FCHO2: variants seen among roughly 807,000 people sequenced by gnomAD.
FCHO2 encodes the protein FCH and mu domain containing endocytic adaptor 2.
FCHO2 carries 43 observed loss-of-function variants against 114.1 expected under a neutral mutation model. That is an observed-to-expected ratio of 0.38 (90% confidence interval 0.30 to 0.49). The LOEUF (loss-of-function observed/expected upper bound fraction) is 0.49. Ranked by LOEUF, FCHO2 falls within the 20% of genes least tolerant of loss-of-function variation. The pLI, the probability that FCHO2 is intolerant of heterozygous loss-of-function variation, is 0.97. For missense variants in FCHO2, 807 were observed against 950.4 expected (o/e 0.85, Z 1.98); for synonymous variants, 293 against 315.2 (o/e 0.93, Z 0.75).
At chr5:73,039,576 C>G (rs1416565419) in intron 10 of FCHO2, among the ~76,000 whole-genome samples, 1 of 152,052 alleles carries the variant, frequency 6.6e-6, no homozygotes, top group Non-Finnish European at 1.5e-5. Flanking sequence ...TCTCATCTAC[C>G]AGTAAGGAAG....
intron 6 of FCHO2, among the ~76,000 whole-genome samples, chr5:73,008,034 T>G (rs1754812071): frequency 6.6e-6 from 1 of 152,164 alleles, no homozygotes; most frequent in African/African-American, 2.4e-5. Flanking sequence ...AAAAAATGCT[T>G]ACTAAACCTG....
chr5:73,053,932 G>A (rs1158579953), intron 13 of FCHO2, among the ~76,000 whole-genome samples: 8 of 152,004 alleles, frequency 5.3e-5, no homozygotes, highest in Non-Finnish European at 1.2e-4. Context: ...TTCATACTAT[G>A]AAAATAATAA....
At chr5:72,980,979 T>G (rs1753175629) in intron 2 of FCHO2, among the ~76,000 whole-genome samples, 2 of 152,216 alleles carry the variant, frequency 1.3e-5, no homozygotes, top group Admixed American at 1.3e-4. Context: ...AATTTGCTCC[T>G]GTCATTATGA....
chr5:72,969,953 A>G (rs1164265602), intron 2 of FCHO2, among the ~76,000 whole-genome samples: 3 of 152,110 alleles, frequency 2.0e-5, no homozygotes, highest in African/African-American at 7.2e-5. Context: ...GCCCTCAGTA[A>G]AGGTTTTTCC....
At chr5:73,046,121 G>A (rs1183514499) in intron 11 of FCHO2, among the ~76,000 whole-genome samples, 2 of 152,160 alleles carry the variant, frequency 1.3e-5, no homozygotes, top group Non-Finnish European at 2.9e-5. Flanking sequence ...CTGGAGTGCG[G>A]TAGCACAATC....
intron 8 of FCHO2, among the ~76,000 whole-genome samples, chr5:73,020,002 C>T (rs1460974842): frequency 6.6e-6 from 1 of 152,154 alleles, no homozygotes; most frequent in Non-Finnish European, 1.5e-5. Context: ...CCCAGCAGCC[C>T]TTTGATGACA....
At chr5:73,058,926 T>C (rs1282143259) in intron 17 of FCHO2, among the ~76,000 whole-genome samples, 3 of 152,196 alleles carry the variant, frequency 2.0e-5, no homozygotes, top group African/African-American at 4.8e-5. Flanking sequence ...ATATGTCTCA[T>C]AATATGCTTG....
intron 6 of FCHO2, among the ~76,000 whole-genome samples, chr5:73,010,714 T>C (rs1249117040): frequency 1.3e-5 from 2 of 151,702 alleles, no homozygotes; most frequent in Non-Finnish European, 2.9e-5. Context: ...CTGTCTCTAC[T>C]AAAAATACAA....
chr5:73,061,251 CTGACTT>C (rs1757840588), intron 17 of FCHO2, among the ~76,000 whole-genome samples: 1 of 151,976 alleles, frequency 6.6e-6, no homozygotes, highest in Non-Finnish European at 1.5e-5. Flanking sequence ...AGGAATAACT[CTGACTT>C]TGTATAATTT....
At chr5:72,961,696 G>A (rs1235299987) in intron 1 of FCHO2, among the ~76,000 whole-genome samples, 1 of 152,020 alleles carries the variant, frequency 6.6e-6, no homozygotes, top group African/African-American at 2.4e-5. Context: ...CCAGGTTCAA[G>A]CAATTCTCCT....
chr5:72,972,375 C>G (rs949007471), intron 2 of FCHO2, among the ~76,000 whole-genome samples: 11 of 151,786 alleles, frequency 7.2e-5, no homozygotes, highest in South Asian at 2.1e-4. Flanking sequence ...CTTTTATTTC[C>G]TTGAGCAGTG....
At chr5:73,017,760 C>T (rs1755384736) in intron 8 of FCHO2, among the ~76,000 whole-genome samples, 1 of 152,054 alleles carries the variant, frequency 6.6e-6, no homozygotes, top group Non-Finnish European at 1.5e-5. Flanking sequence ...TTTCTTTTCT[C>T]ATTTATATAT....
At chr5:73,012,956 G>C (rs1755099792) in intron 6 of FCHO2, among the ~76,000 whole-genome samples, 3 of 152,108 alleles carry the variant, frequency 2.0e-5, no homozygotes, top group South Asian at 4.2e-4. Flanking sequence ...TTTTCAAAAG[G>C]GAATGAAGAC....
Position 73,064,071 on chromosome 5 carries a change from A to C in FCHO2, c.1449+127A>C, listed in dbSNP as rs184312513. ...TACCCATGTCCTCACAGTATAGAAA[A>C]ATTTTCCCAGCTAGTGCTTCCTTTA... On this transcript the variant is annotated intron_variant, in intron 18 of 25. Coordinates refer to ENST00000430046, the MANE Select transcript of FCHO2 (RefSeq NM_138782.3). The C allele has an allele frequency of 3.8e-5, 32 of 840,890 alleles. No homozygotes were observed. In the East Asian group the frequency reaches 7.9e-4, roughly 21 times the overall value. 52.1% of individuals were successfully genotyped at this position (840,890 alleles called of 1,614,324 possible). A position where few individuals can be genotyped will look rare whatever the true frequency, so the allele number is the denominator to read the frequency against.
intron 2 of FCHO2, among the ~76,000 whole-genome samples, chr5:72,974,250 G>A (rs1580017268): frequency 7.4e-6 from 1 of 134,502 alleles, no homozygotes; most frequent in South Asian, 2.4e-4. Context: ...TCAATTCCTG[G>A]GTATCCTTGT....
chr5:72,986,342 G>A (rs1178365192), intron 2 of FCHO2, among the ~76,000 whole-genome samples: 5 of 151,984 alleles, frequency 3.3e-5, no homozygotes, highest in Admixed American at 2.0e-4. Flanking sequence ...CTTGAAGGGC[G>A]TGGGATTTTT....
At chr5:73,018,620 C>A (rs2112750371) in intron 8 of FCHO2, among the ~76,000 whole-genome samples, 1 of 151,794 alleles carries the variant, frequency 6.6e-6, no homozygotes, top group Middle Eastern at 3.4e-3. Flanking sequence ...GCTATACAGC[C>A]AAAAGAGGGG....
rs1317794851 is a variant in FCHO2, at chr5:73,090,227, A to C, written c.*2137A>C. The C allele has an allele frequency of 6.6e-6, 1 of 152,458 alleles. No individual in the cohort carries two copies. The highest frequency in any genetic ancestry group is 1.5e-5 in the Non-Finnish European group (1 of 67,952). 9.4% of individuals were successfully genotyped at this position (152,458 alleles called of 1,614,324 possible). On this transcript the variant is annotated 3_prime_UTR_variant, in exon 26 of 26. Coordinates refer to ENST00000430046, the MANE Select transcript of FCHO2 (RefSeq NM_138782.3). ...TTATATTGATTTTTTTTTTCCATTTAAAAATCCACTAATGGTGTAAAAGAG... is the reference window on the plus strand; with the variant it reads ...TTATATTGATTTTTTTTTTCCATTTCAAAATCCACTAATGGTGTAAAAGAG...
At chr5:73,085,777 AAAATAAAT>A (rs144379859) in intron 24 of FCHO2, among the ~76,000 whole-genome samples, 4,304 of 140,170 alleles carry the variant, frequency 0.031, 91 homozygotes, top group African/African-American at 0.044. Flanking sequence ...TCTGTCTCAA[AAAATAAAT>A]AAATAAATAA....
Sources: gnomAD v4.1 joint callset for allele counts (sites outside exome capture counted in the v4.1 genomes callset) on GRCh38, gnomAD v4.1.1 for gene constraint, MANE v1.5 for transcripts, NCBI Gene and HGNC (gene_info 2026-07-23, HGNC 2026-07-21) for gene names.